The following TSEN2 variants were observed in gnomAD, a reference collection of about 807,000 sequenced individuals.
TSEN2 encodes tRNA splicing endonuclease subunit 2, also known as tRNA-splicing endonuclease subunit Sen2.
TSEN2 carries 54 observed loss-of-function variants against 59.2 expected under a neutral mutation model. The observed-to-expected ratio is 0.91, with a 90% CI of 0.73 to 1.14. TSEN2 has a LOEUF of 1.14. Among genes scored for constraint, TSEN2 ranks in the 50% most tolerant of loss-of-function variants. The pLI is 0.00. For missense variants in TSEN2, 636 were observed against 576.2 expected (o/e 1.10, Z -1.06); for synonymous variants, 195 against 198.2 (o/e 0.98, Z 0.14).
chr3:12,511,672 TCCTC>T (rs2055477199), intron 6 of TSEN2, among the ~76,000 whole-genome samples: 1 of 151,220 alleles, frequency 6.6e-6, no homozygotes, highest in African/African-American at 2.4e-5. Flanking sequence ...GCCCAAGCAG[TCCTC>T]CCATCTCAGC....
At chr3:12,499,040 G>A (rs2054031176) in intron 4 of TSEN2, among the ~76,000 whole-genome samples, 1 of 152,186 alleles carries the variant, frequency 6.6e-6, no homozygotes, top group Non-Finnish European at 1.5e-5. Flanking sequence ...GATTACAGGT[G>A]TGAGCCACTG....
intron 1 of TSEN2, among the ~76,000 whole-genome samples, chr3:12,489,544 A>G (rs1471595580): frequency 3.3e-5 from 5 of 152,192 alleles, no homozygotes; most frequent in African/African-American, 1.2e-4. Flanking sequence ...CTGGAGTAGA[A>G]AGATTACCAC....
chr3:12,504,812 A>G (rs1233584222), intron 5 of TSEN2, among the ~76,000 whole-genome samples: 1 of 152,134 alleles, frequency 6.6e-6, no homozygotes, highest in African/African-American at 2.4e-5. Flanking sequence ...TGAGGCCAGG[A>G]GTTCAAGACC....
intron 9 of TSEN2, among the ~76,000 whole-genome samples, 176 bp downstream of exon 9, chr3:12,529,100 A>G (rs948498700): frequency 7.2e-5 from 11 of 152,326 alleles, no homozygotes; most frequent in Middle Eastern, 3.4e-3. Context: ...TATATATAGG[A>G]TGATGCATAG....
chr3:12,529,813 C>T lies in TSEN2; in HGVS notation c.1188C>T (p.Arg396=). The change falls in exon 10 of 12, where the codon CGC becomes CGT. Residue 396 remains arginine, a synonymous_variant. Coordinates refer to ENST00000284995, the MANE Select transcript of TSEN2 (RefSeq NM_025265.4). ...ATGACCATTTTGAAGGCTCTCTCCG[C>T]AGGCCTCTCAGTTGGAAGTCCCTGG... ...LVDDHFEGSL[R]RPLSWKSLAA... 6.8e-6 allele frequency: 11 copies of T among 1,614,176 alleles called. No homozygotes were observed. Among genetic ancestry groups the T allele is most frequent in the Non-Finnish European group, 9.3e-6 (11 of 1,180,026 alleles).
At chr3:12,510,762 G>A (rs1398873895) in intron 6 of TSEN2, among the ~76,000 whole-genome samples, 4 of 151,980 alleles carry the variant, frequency 2.6e-5, no homozygotes, top group Non-Finnish European at 2.9e-5. Flanking sequence ...TTACTGCTAC[G>A]TTGTTTGACT....
chr3:12,482,956 C>A (rs2052236939), upstream of TSEN2, among the ~76,000 whole-genome samples: 1 of 152,340 alleles, frequency 6.6e-6, no homozygotes. Context: ...TACCACAAAG[C>A]TCTTTGATTT....
intron 8 of TSEN2, among the ~76,000 whole-genome samples, chr3:12,522,519 G>A (rs537049801): frequency 2.5e-4 from 38 of 152,238 alleles, no homozygotes; most frequent in African/African-American, 8.7e-4. Flanking sequence ...TATGAGGAGC[G>A]GCTTCCTAAA....
Position 12,503,717 on chromosome 3 carries a change from ATGAGTACG to A in TSEN2, c.767_774del (p.Glu256AlafsTer18), listed in dbSNP as rs2054534126. The A allele has an allele frequency of 6.2e-7, 1 of 1,614,004 alleles. No individual in the cohort carries two copies. Among genetic ancestry groups the A allele is most frequent in the Non-Finnish European group, 8.5e-7 (1 of 1,179,930 alleles). On this transcript the variant is annotated frameshift_variant, in exon 5 of 12. Coordinates refer to ENST00000284995, the MANE Select transcript of TSEN2 (RefSeq NM_025265.4). LOFTEE classifies it high-confidence loss of function. ...CATCCTGGGGACAGAGGGCCTGACC[ATGAGTACG>A]TGCTGGTCGAGGAAGCGGAGTGTGC...
rs189561339 is a variant in TSEN2, at chr3:12,500,294, T to C, written c.309-2968T>C. 6.9e-3 allele frequency among the ~76,000 whole-genome samples: 1,055 copies of C among 152,322 alleles called. 6 individuals are homozygous for C. Among genetic ancestry groups the C allele is most frequent in the African/African-American group, 0.024 (998 of 41,580 alleles). On this transcript the variant is annotated intron_variant, in intron 4 of 11. Transcript: ENST00000284995. ...GACCCATGTGTCGTTGTCTTAGTCA[T>C]TTGTTTGTGTGGCTCTTTTCATCAT...
At chr3:12,480,534 T>TTTTTTGTTTG (rs1559251949), upstream of TSEN2, among the ~76,000 whole-genome samples, 10 of 140,794 alleles carry the variant, frequency 7.1e-5, no homozygotes, top group African/African-American at 2.7e-4. Context: ...CTTTGTTTTT[T>TTTTTTGTTTG]TTTTTTTTTT....
chr3:12,529,816 G>C lies in TSEN2; in HGVS notation c.1191G>C (p.Arg397Ser). The change falls in exon 10 of 12, where the codon AGG (arginine) becomes AGC (serine). Residue 397 changes from arginine (R) to serine (S), a missense_variant. Coordinates refer to ENST00000284995, the MANE Select transcript of TSEN2 (RefSeq NM_025265.4). ...VDDHFEGSLR[R>S]PLSWKSLAAL... ...ACCATTTTGAAGGCTCTCTCCGCAGGCCTCTCAGTTGGAAGTCCCTGGCTG... is the reference window on the plus strand; with the variant it reads ...ACCATTTTGAAGGCTCTCTCCGCAGCCCTCTCAGTTGGAAGTCCCTGGCTG... 6.2e-7 allele frequency: 1 copy of C among 1,614,098 alleles called. No individual in the cohort carries two copies. The highest frequency in any genetic ancestry group is 8.5e-7 in the Non-Finnish European group (1 of 1,180,010).
intron 6 of TSEN2, among the ~76,000 whole-genome samples, chr3:12,506,035 G>A (rs917368237): frequency 6.6e-6 from 1 of 152,138 alleles, no homozygotes; most frequent in East Asian, 1.9e-4. Context: ...GGGTAGGGGG[G>A]TGGAAAGAAG....
intron 8 of TSEN2, among the ~76,000 whole-genome samples, chr3:12,523,088 G>C (rs1036708186): frequency 6.6e-6 from 1 of 152,192 alleles, no homozygotes; most frequent in Non-Finnish European, 1.5e-5. Flanking sequence ...TAAGTACACA[G>C]ATTAGGGCTC....
chr3:12,538,929 C>A, intron 10 of TSEN2: 1 of 302,112 alleles, frequency 3.3e-6, no homozygotes, highest in East Asian at 1.3e-4. Flanking sequence ...GCAAACCCAA[C>A]CCCTGAGCCT....
upstream of TSEN2, among the ~76,000 whole-genome samples, chr3:12,480,534 T>TG (rs1447907390): frequency 7.1e-6 from 1 of 140,738 alleles, no homozygotes; most frequent in African/African-American, 2.7e-5. Flanking sequence ...CTTTGTTTTT[T>TG]TTTTTTTTTT....
chr3:12,515,986 G>C (rs2056032315), intron 6 of TSEN2, among the ~76,000 whole-genome samples: 1 of 151,810 alleles, frequency 6.6e-6, no homozygotes, highest in Non-Finnish European at 1.5e-5. Context: ...TCATTCTTCA[G>C]TTATATAGGT....
intron 4 of TSEN2, among the ~76,000 whole-genome samples, chr3:12,498,576 G>A (rs539265310): frequency 3.9e-5 from 6 of 152,188 alleles, no homozygotes; most frequent in East Asian, 3.9e-4. Flanking sequence ...TCAATTTGCC[G>A]TCAATTTGCA....
chr3:12,530,495 A>G (rs1399187487), intron 10 of TSEN2: 1 of 985,384 alleles, frequency 1.0e-6, no homozygotes, highest in Non-Finnish European at 1.2e-6. Flanking sequence ...AGCTTACACA[A>G]GGACTATCAA....
Sources: allele counts gnomAD v4.1 joint callset (sites outside exome capture counted in the v4.1 genomes callset), GRCh38; gene constraint gnomAD v4.1.1; transcripts MANE v1.5; gene names NCBI Gene and HGNC (gene_info 2026-07-23, HGNC 2026-07-21).